Variants in SGK3 observed in about 807,000 individuals in gnomAD.
SGK3 encodes the protein serine/threonine-protein kinase Sgk3.
In SGK3, 47 loss-of-function variants were observed where a neutral mutation model predicts 68.5. The ratio of observed to expected loss-of-function variants is 0.69; its 90% confidence interval spans 0.54 to 0.87. The LOEUF (loss-of-function observed/expected upper bound fraction) is 0.87. SGK3 is among the 40% of genes least tolerant of loss of function. SGK3 has a pLI of 0.00. For missense variants in SGK3, 479 were observed against 575.5 expected, an observed-to-expected ratio of 0.83 and a Z score of 1.72; for synonymous variants, 181 against 189.1, an observed-to-expected ratio of 0.96 and a Z score of 0.35.
At chr8:66,733,884 A>C (rs1438797477) in intron 1 of SGK3, among the ~76,000 whole-genome samples, 2 of 152,232 alleles carry the variant, frequency 1.3e-5, no homozygotes, top group Non-Finnish European at 2.9e-5. Flanking sequence ...GTTTCTTTGC[A>C]GTGTCATTTA....
intron 16 of SGK3, among the ~76,000 whole-genome samples, chr8:66,852,687 G>A (rs1397025476): frequency 6.6e-6 from 1 of 152,076 alleles, no homozygotes; most frequent in African/African-American, 2.4e-5. Context: ...CTCATAGCTG[G>A]TATTAATTAA....
intron 1 of SGK3, among the ~76,000 whole-genome samples, chr8:66,741,439 C>G (rs188644171): frequency 2.0e-5 from 3 of 151,784 alleles, no homozygotes; most frequent in Admixed American, 2.0e-4. Context: ...CCCAGCTACT[C>G]GGGAGGCCTC....
intron 6 of SGK3, among the ~76,000 whole-genome samples, chr8:66,825,793 A>G (rs1350352113): frequency 2.0e-5 from 3 of 152,182 alleles, no homozygotes; most frequent in South Asian, 4.1e-4. Flanking sequence ...TAGTGACTAG[A>G]TGTTGTCTTC....
chr8:66,853,355 G>A (rs1810370776), intron 16 of SGK3, among the ~76,000 whole-genome samples: 1 of 152,166 alleles, frequency 6.6e-6, no homozygotes, highest in South Asian at 2.1e-4. Flanking sequence ...AAAAGCAGAT[G>A]CCTCATAATA....
chr8:66,821,093 A>G (rs1235700470), intron 5 of SGK3, among the ~76,000 whole-genome samples: 1 of 152,100 alleles, frequency 6.6e-6, no homozygotes, highest in East Asian at 1.9e-4. Flanking sequence ...TTAAGGACAG[A>G]TTGGGGAGAG....
intron 5 of SGK3, among the ~76,000 whole-genome samples, chr8:66,819,852 C>T (rs559364665): frequency 6.7e-6 from 1 of 149,676 alleles, no homozygotes; most frequent in South Asian, 2.1e-4. Context: ...GAGTTTTGCT[C>T]TGTCACCCAG....
At chr8:66,836,634 TTAAAA>T (rs1809544108) in intron 10 of SGK3, among the ~76,000 whole-genome samples, 1 of 149,020 alleles carries the variant, frequency 6.7e-6, no homozygotes, top group African/African-American at 2.5e-5. Context: ...CCCCATCTCT[TTAAAA>T]AAAAAAAAAA....
intron 1 of SGK3, among the ~76,000 whole-genome samples, chr8:66,717,482 C>G (rs113442593): frequency 1.3e-5 from 2 of 151,986 alleles, no homozygotes; most frequent in Non-Finnish European, 2.9e-5. Context: ...TGAGCGAGAT[C>G]GCACCACTGT....
intron 1 of SGK3, chr8:66,737,207 A>C (rs368688058): frequency 6.6e-6 from 1 of 152,082 alleles, no homozygotes; most frequent in South Asian, 2.1e-4. Flanking sequence ...TATGTAACAC[A>C]ACTTTTTCTT....
chr8:66,827,224 A>G (rs980824737), intron 6 of SGK3, among the ~76,000 whole-genome samples: 1 of 151,632 alleles, frequency 6.6e-6, no homozygotes, highest in Non-Finnish European at 1.5e-5. Flanking sequence ...TCTACTAAAA[A>G]TACAAAAATT....
At chr8:66,801,486 T>A (rs79043738) in intron 3 of SGK3, among the ~76,000 whole-genome samples, 3,879 of 152,260 alleles carry the variant, frequency 0.025, 83 homozygotes, top group South Asian at 0.054. Flanking sequence ...GGTTGCAATG[T>A]TAGCTCATTT....
chr8:66,722,997 A>G (rs937463766), intron 1 of SGK3, among the ~76,000 whole-genome samples: 4 of 150,058 alleles, frequency 2.7e-5, no homozygotes, highest in Non-Finnish European at 5.9e-5. Flanking sequence ...CCACCATTGG[A>G]GATTACAGTT....
intron 1 of SGK3, among the ~76,000 whole-genome samples, chr8:66,754,867 AC>A (rs1805925904): frequency 6.6e-6 from 1 of 152,254 alleles, no homozygotes; most frequent in South Asian, 2.1e-4. Flanking sequence ...CTTAACAGTT[AC>A]CAATATGACA....
intron 1 of SGK3, among the ~76,000 whole-genome samples, chr8:66,762,103 C>T (rs1806185849): frequency 6.6e-6 from 1 of 152,164 alleles, no homozygotes; most frequent in Non-Finnish European, 1.5e-5. Flanking sequence ...ACTGCAACCT[C>T]TGCCACAGGC....
intron 1 of SGK3, among the ~76,000 whole-genome samples, chr8:66,716,981 A>G (rs1791625870): frequency 6.6e-6 from 1 of 151,886 alleles, no homozygotes; most frequent in Admixed American, 6.6e-5. Flanking sequence ...AGATCACCTG[A>G]GTTCAGGAGT....
chr8:66,857,776 CT>C (rs1316099114), intron 16 of SGK3, among the ~76,000 whole-genome samples: 1 of 149,510 alleles, frequency 6.7e-6, no homozygotes, highest in East Asian at 2.0e-4. Context: ...GGATGAGACC[CT>C]GTCTCAAAAA....
chr8:66,751,254 GT>G (rs1399995332), intron 1 of SGK3, among the ~76,000 whole-genome samples: 2 of 152,114 alleles, frequency 1.3e-5, no homozygotes, highest in African/African-American at 4.8e-5. Context: ...GTGGGAAAGC[GT>G]CTGCTTTTCG....
rs113675222 is a variant in SGK3 at position 66,759,649 on chromosome 8, T to TTTTG, written c.-121-33938_-121-33935dup. On this transcript the variant is annotated intron_variant, in intron 1 of 16. Transcript: ENST00000521198. ...GTTTCACCATTTTGGCCAGGATGGTTTTTGTTTGTTTGTTTGTTTGTTTGT... is the reference window on the plus strand; with the variant it reads ...GTTTCACCATTTTGGCCAGGATGGTTTTTGTTTGTTTGTTTGTTTGTTTGTTTGT... 8.1e-3 allele frequency among the ~76,000 whole-genome samples: 1,230 copies of TTTTG among 151,606 alleles called. 13 individuals are homozygous for TTTTG. The highest frequency in any genetic ancestry group is 0.021 in the African/African-American group (884 of 41,306).
chr8:66,804,108 T>G (rs1808059639), intron 3 of SGK3, among the ~76,000 whole-genome samples: 2 of 152,198 alleles, frequency 1.3e-5, no homozygotes, highest in Admixed American at 1.3e-4. Flanking sequence ...AAAATTATCC[T>G]CATTTTATAG....
Sources: gnomAD v4.1 joint callset for allele counts (sites outside exome capture counted in the v4.1 genomes callset) on GRCh38, gnomAD v4.1.1 for gene constraint, MANE v1.5 for transcripts, NCBI Gene and HGNC (gene_info 2026-07-23, HGNC 2026-07-21) for gene names.